STRA6: variants seen among roughly 807,000 people sequenced by gnomAD.
STRA6 encodes signaling receptor and transporter of retinol STRA6.
A neutral mutation model predicts 83.6 loss-of-function variants in STRA6; 48 were observed. The ratio of observed to expected loss-of-function variants is 0.57; its 90% CI spans 0.46 to 0.73. The LOEUF is 0.73. Ranked by LOEUF, STRA6 falls within the 30% of genes least tolerant of loss-of-function variation. STRA6 has a pLI of 0.00. For missense variants in STRA6, 760 were observed against 838.8 expected (o/e 0.91, Z 1.16); for synonymous variants, 353 against 362.3 (o/e 0.97, Z 0.29).
At chr15:74,194,866 G>GC (rs2073734539) in intron 7 of STRA6, 1 of 1,360,436 alleles carries the variant, frequency 7.4e-7, no homozygotes, top group South Asian at 2.2e-5. Flanking sequence ...CAGCCAGTGA[G>GC]CAAGGTCCTG....
At chr15:74,202,643 C>A in intron 1 of STRA6, 70 bp downstream of exon 1, 1 of 1,421,028 alleles carries the variant, frequency 7.0e-7, no homozygotes, top group Non-Finnish European at 9.1e-7. Context: ...CTTGTCCAGT[C>A]TGAGCTGCCT....
chr15:74,185,651 G>A (rs1171637388), intron 12 of STRA6, among the ~76,000 whole-genome samples: 1 of 152,216 alleles, frequency 6.6e-6, no homozygotes, highest in Non-Finnish European at 1.5e-5. Context: ...GTGCATGATG[G>A]TGTGTCATGA....
intron 12 of STRA6, among the ~76,000 whole-genome samples, chr15:74,186,602 C>G (rs371647490): frequency 9.2e-5 from 14 of 152,010 alleles, no homozygotes; most frequent in African/African-American, 3.1e-4. Flanking sequence ...AATGAGACTC[C>G]GTCTCAAAAC....
At chr15:74,211,959 C>T (rs1183926064), upstream of STRA6, among the ~76,000 whole-genome samples, 1 of 152,096 alleles carries the variant, frequency 6.6e-6, no homozygotes, top group African/African-American at 2.4e-5. Context: ...CTTTGTTTTG[C>T]TCCCCACTCC....
rs191237650 is a variant in STRA6 at position 74,185,136 on chromosome 15, T to A, written c.1091-81A>T. 2,460 of 1,429,892 alleles carry A rather than the reference T, an allele frequency of 1.7e-3. 17 individuals carry two copies. Among genetic ancestry groups the A allele is most frequent in the South Asian group, 7.4e-3 (620 of 84,160 alleles). The allele number at this position is 1,429,892 out of a possible 1,614,324, so 88.6% of individuals were successfully genotyped here. A position where few individuals can be genotyped will look rare whatever the true frequency, so the allele number is the denominator to read the frequency against. ...GGCCTCAGAACCCCTGCCAGGGTGGTGCCTTGTGGGGAGTTCCCCCTGCCC... is the reference window on the plus strand; with the variant it reads ...GGCCTCAGAACCCCTGCCAGGGTGGAGCCTTGTGGGGAGTTCCCCCTGCCC... On this transcript the variant is annotated intron_variant, in intron 12 of 18. Transcript: ENST00000395105.
intron 2 of STRA6, among the ~76,000 whole-genome samples, chr15:74,200,218 C>G (rs1335552152): frequency 6.6e-6 from 1 of 152,160 alleles, no homozygotes; most frequent in African/African-American, 2.4e-5. Context: ...GAGACTCCAT[C>G]TCAAAAAATA....
intron 1 of STRA6, chr15:74,208,738 T>C (rs1408345840): frequency 1.0e-6 from 1 of 987,994 alleles, no homozygotes. Context: ...CCCATGTGCC[T>C]TCTCGCTGTT....
At chr15:74,210,291 A>G (rs143499823), upstream of STRA6, among the ~76,000 whole-genome samples, 96 of 152,362 alleles carry the variant, frequency 6.3e-4, no homozygotes, top group African/African-American at 2.2e-3. Context: ...AACAACCCCA[A>G]TATCCATCCA....
Position 74,197,584 on chromosome 15 carries a change from T to C in STRA6, c.181-161A>G, listed in dbSNP as rs2073877512. On this transcript the variant is annotated intron_variant, in intron 3 of 18. Coordinates refer to ENST00000395105, the MANE Select transcript of STRA6 (RefSeq NM_022369.4). Reference sequence around the variant, plus strand: ...CAAGGGGTGACAGACATCTGGAAGGTTGGACTTGCATCCTGGTTTGGGCCT... The same window carrying C: ...CAAGGGGTGACAGACATCTGGAAGGCTGGACTTGCATCCTGGTTTGGGCCT... 4 of 1,117,662 alleles carry C rather than the reference T, an allele frequency of 3.6e-6. No individual in the cohort carries two copies. The Admixed American group carries it at 6.0e-5, about 17-fold the overall frequency. The allele number at this position is 1,117,662 out of a possible 1,614,324, so 69.2% of individuals were successfully genotyped here.
rs1033629347 is a variant in STRA6 at position 74,180,747 on chromosome 15, G to A, written c.1840+35C>T. The A allele has an allele frequency of 1.9e-6, 3 of 1,583,646 alleles. No individual in the cohort carries two copies. In the African/African-American group the frequency reaches 4.0e-5, roughly 21 times the overall value. ...CATCCTTCCTAGAAGAAGCTGGGTA[G>A]GCTCTATTCCCCCATTCCCAGTGGG... On this transcript the variant is annotated intron_variant, in intron 18 of 18. Coordinates refer to ENST00000395105, the MANE Select transcript of STRA6 (RefSeq NM_022369.4).
At chr15:74,206,455 G>C (rs1185165214), upstream of STRA6, among the ~76,000 whole-genome samples, 1 of 152,230 alleles carries the variant, frequency 6.6e-6, no homozygotes, top group Non-Finnish European at 1.5e-5. Context: ...GAGGCAAGAA[G>C]TGTTAGGAAG....
chr15:74,200,694 T>C (rs912159915), intron 2 of STRA6, among the ~76,000 whole-genome samples: 2 of 152,226 alleles, frequency 1.3e-5, no homozygotes, highest in African/African-American at 2.4e-5. Flanking sequence ...GGCAGCTCAA[T>C]TGGTTTGGCT....
intron 18 of STRA6, 95 bp from the exon 19 acceptor site, chr15:74,180,338 C>T (rs1161918640): frequency 2.0e-6 from 3 of 1,514,356 alleles, no homozygotes; most frequent in Admixed American, 3.4e-5. Context: ...AAATCCCAGG[C>T]GTGTGCAGGT....
intron 1 of STRA6, 94 bp from the exon 2 acceptor site, chr15:74,202,376 C>T: frequency 1.3e-6 from 2 of 1,548,216 alleles, no homozygotes; most frequent in Non-Finnish European, 1.7e-6. Context: ...AAAACCCAAA[C>T]AAAGAAACAT....
At position 74,180,802 on chromosome 15, in the gene STRA6, C is replaced by G; in HGVS notation, c.1820G>C (p.Arg607Thr). 6.2e-7 allele frequency: 1 copy of G among 1,611,816 alleles called. No homozygotes were observed. Among genetic ancestry groups the G allele is most frequent in the Non-Finnish European group, 8.5e-7 (1 of 1,178,186 alleles). Residue 607 changes from arginine to threonine, a missense_variant, in exon 18 of 19, where the codon AGA (arginine) becomes ACA (threonine). Physicochemically the swap from Arg to Thr is moderately conservative, Grantham distance 71. Transcript: ENST00000395105. ...CGCACCTTCGTCTTCCTCCCCTGGT[C>G]TGAGGCTGTCCTGGGGGGCTGCCAT... Reference protein sequence around the residue: ...RTMAAPQDSLRPGEEDEGMQL... With the variant: ...RTMAAPQDSLTPGEEDEGMQL...
chr15:74,188,060 C>G lies in STRA6; in HGVS notation c.1090+1055G>C, dbSNP rs997845518. Among the ~76,000 whole-genome samples, 27 of 152,298 alleles carry G rather than the reference C, an allele frequency of 1.8e-4. No individual in the cohort carries two copies. Among genetic ancestry groups the G allele is most frequent in the Admixed American group, 1.8e-3 (27 of 15,302 alleles). On this transcript the variant is annotated intron_variant, in intron 12 of 18. Coordinates refer to ENST00000395105, the MANE Select transcript of STRA6 (RefSeq NM_022369.4). This position sits in a 1 kb window ranked among gnomAD's most constrained non-coding sequence, Gnocchi z 4.5. ...AGCTCACCCGGAACTTGTCACCTGT[C>G]CAGTTTGTTGCCCTCAGCAGCAGTT...
upstream of STRA6, chr15:74,209,288 C>T (rs1418752511): frequency 2.6e-5 from 35 of 1,363,986 alleles, no homozygotes; most frequent in Non-Finnish European, 3.5e-5. Flanking sequence ...AGTGGAGAAG[C>T]CTGCACAGGG....
chr15:74,179,967 C>A lies in STRA6; in HGVS notation c.*113G>T. 7.0e-7 allele frequency: 1 copy of A among 1,428,394 alleles called. No individual in the cohort carries two copies. Among genetic ancestry groups the A allele is most frequent in the Non-Finnish European group, 9.6e-7 (1 of 1,036,502 alleles). The allele number at this position is 1,428,394 out of a possible 1,614,324, so 88.5% of individuals were successfully genotyped here. A position where few individuals can be genotyped will look rare whatever the true frequency, so the allele number is the denominator to read the frequency against. On this transcript the variant is annotated 3_prime_UTR_variant, in exon 19 of 19. Coordinates refer to ENST00000395105, the MANE Select transcript of STRA6 (RefSeq NM_022369.4). ...CACCCAACCACAGTGATCCGGAGGA[C>A]CTGCTGGCTGCATGGCTGGTGTGAT... is the stretch of plus-strand genomic sequence containing the variant.
At position 74,197,820 on chromosome 15, in the gene STRA6, T is replaced by C; in HGVS notation, c.114-2A>G. 6.2e-7 allele frequency: 1 copy of C among 1,612,714 alleles called. No individual in the cohort carries two copies. The highest frequency in any genetic ancestry group is 8.5e-7 in the Non-Finnish European group (1 of 1,179,962). The stretch of plus-strand genomic sequence containing the variant: ...CTGGTGTGGCAGGAGGGCACTTCCC[T>C]GCAGAGCAAATGAAGGCTGGCTCAG... On this transcript the variant is annotated splice_acceptor_variant, in intron 2 of 18. Coordinates refer to ENST00000395105, the MANE Select transcript of STRA6 (RefSeq NM_022369.4). LOFTEE classifies it high-confidence loss of function.
Sources: allele counts gnomAD v4.1 joint callset (sites outside exome capture counted in the v4.1 genomes callset), GRCh38; gene constraint gnomAD v4.1.1; non-coding constraint Gnocchi (gnomAD v3.1); transcripts MANE v1.5; gene names NCBI Gene and HGNC (gene_info 2026-07-23, HGNC 2026-07-21).